The following WDR70 variants were observed in gnomAD, a reference collection of about 807,000 sequenced individuals.
WDR70 encodes the protein WD repeat-containing protein 70.
A neutral mutation model predicts 88.6 loss-of-function variants in WDR70; 53 were observed. The observed-to-expected ratio is 0.60, with a 90% CI of 0.48 to 0.75. WDR70 has a LOEUF of 0.75. Among genes scored for constraint, WDR70 ranks in the 30% least tolerant of loss-of-function variants. The probability of loss-of-function intolerance (pLI) is 0.00; values close to 1 mark genes in which losing one functional copy is unlikely to be tolerated. For missense variants in WDR70, 610 were observed against 823.2 expected (o/e 0.74, Z 3.17); for synonymous variants, 280 against 270.0 (o/e 1.04, Z -0.36).
Position 37,428,185 on chromosome 5 carries a change from T to G in WDR70, c.493-9737T>G, listed in dbSNP as rs142646681. On this transcript the variant is annotated intron_variant, in intron 5 of 17. Transcript: ENST00000265107. Reference sequence around the variant, plus strand: ...AACTAATTCTATCAGGCTTTTGTTTTGTTGTTGTTGTTTTTGTTTTTTCAT... The same window carrying G: ...AACTAATTCTATCAGGCTTTTGTTTGGTTGTTGTTGTTTTTGTTTTTTCAT... 2.8e-3 allele frequency among the ~76,000 whole-genome samples: 423 copies of G among 152,290 alleles called. 1 individual carries two copies. The highest frequency in any genetic ancestry group is 9.8e-3 in the African/African-American group (408 of 41,564).
At chr5:37,617,475 G>A (rs1304356156) in intron 10 of WDR70, among the ~76,000 whole-genome samples, 1 of 152,168 alleles carries the variant, frequency 6.6e-6, no homozygotes, top group Non-Finnish European at 1.5e-5. Flanking sequence ...TATTAAAATG[G>A]ATTATAATGT....
intron 10 of WDR70, among the ~76,000 whole-genome samples, chr5:37,651,823 A>G (rs1029141792): frequency 1.3e-5 from 2 of 151,824 alleles, no homozygotes; most frequent in African/African-American, 4.8e-5. Flanking sequence ...TTTTCTTGTA[A>G]ATTTGTTTAA....
At chr5:37,520,936 A>G (rs955346295) in intron 9 of WDR70, among the ~76,000 whole-genome samples, 3 of 152,224 alleles carry the variant, frequency 2.0e-5, no homozygotes, top group Non-Finnish European at 2.9e-5. Flanking sequence ...AAAATGAATA[A>G]TTGATACTAA....
In WDR70 at chr5:37,383,299, G is replaced by A. The variant is rs561197458; in HGVS notation, c.175+1614G>A. Among the ~76,000 whole-genome samples the A allele has an allele frequency of 1.9e-3, 293 of 152,082 alleles. 1 individual carries two copies. Among genetic ancestry groups the A allele is most frequent in the African/African-American group, 6.6e-3 (275 of 41,504 alleles). On this transcript the variant is annotated intron_variant, in intron 3 of 17. Coordinates refer to ENST00000265107, the MANE Select transcript of WDR70 (RefSeq NM_018034.4). ...ATTTGAGACGGAGGCCTGCTCTGTC[G>A]CCCAGGCTGGAGTGCAATGGCGTGA...
rs769455679 is a variant in WDR70, at chr5:37,697,639, T to C, written c.1093-16T>C. 2.5e-6 allele frequency: 4 copies of C among 1,607,944 alleles called. No homozygotes were observed. Among genetic ancestry groups the C allele is most frequent in the Non-Finnish European group, 3.4e-6 (4 of 1,174,542 alleles). ...TTGAGGTGAGATATTAACACTTTGT[T>C]TGTCTTTGTGAATAGGTTCATCCTA... is the stretch of plus-strand genomic sequence containing the variant. On this transcript the variant is annotated splice_polypyrimidine_tract_variant and intron_variant, in intron 10 of 17. Transcript: ENST00000265107.
At chr5:37,493,133 A>G (rs567030630) in intron 8 of WDR70, among the ~76,000 whole-genome samples, 1 of 152,276 alleles carries the variant, frequency 6.6e-6, no homozygotes, top group East Asian at 1.9e-4. Context: ...TTTTTACAGA[A>G]CTGCATTAAT....
At chr5:37,684,626 A>G (rs1223452587) in intron 10 of WDR70, among the ~76,000 whole-genome samples, 2 of 151,914 alleles carry the variant, frequency 1.3e-5, no homozygotes, top group Non-Finnish European at 2.9e-5. Flanking sequence ...CTTGTATCAC[A>G]ACCTGATTTT....
Position 37,443,446 on chromosome 5 carries a change from T to A in WDR70, c.686+74T>A. 3 of 1,526,696 alleles carry A rather than the reference T, an allele frequency of 2.0e-6. No homozygotes were observed. The South Asian group carries it at 3.6e-5, about 18-fold the overall frequency. 94.6% of individuals were successfully genotyped at this position (1,526,696 alleles called of 1,614,324 possible). ...CATTGGAAGACAGTGCTGTTGGCTT[T>A]GGAATCCCATCTACAATGATTTGTA... On this transcript the variant is annotated intron_variant, in intron 7 of 17. Transcript: ENST00000265107.
intron 13 of WDR70, among the ~76,000 whole-genome samples, chr5:37,715,337 C>CAA (rs138965709): frequency 5.0e-4 from 57 of 112,962 alleles, no homozygotes; most frequent in East Asian, 1.5e-3. Context: ...AGATTTCTGG[C>CAA]AAAAAAAAAA....
chr5:37,621,337 A>G (rs773350121), intron 10 of WDR70, among the ~76,000 whole-genome samples: 3 of 152,176 alleles, frequency 2.0e-5, no homozygotes, highest in Non-Finnish European at 2.9e-5. Context: ...AGACAACGTA[A>G]CATTAATCAT....
intron 9 of WDR70, among the ~76,000 whole-genome samples, chr5:37,551,196 T>C (rs1161449294): frequency 6.6e-6 from 1 of 151,746 alleles, no homozygotes; most frequent in African/African-American, 2.4e-5. Context: ...TCCCAGCTGC[T>C]CAGGAGGCCG....
intron 9 of WDR70, among the ~76,000 whole-genome samples, chr5:37,572,648 C>T (rs1742942009): frequency 6.6e-6 from 1 of 152,050 alleles, no homozygotes; most frequent in Non-Finnish European, 1.5e-5. Context: ...GATTCTACCT[C>T]TAAAAATACA....
chr5:37,407,808 TGTGAGCCACAGGCAG>T (rs1475687870), intron 5 of WDR70, among the ~76,000 whole-genome samples: 1 of 151,726 alleles, frequency 6.6e-6, no homozygotes, highest in Non-Finnish European at 1.5e-5. Context: ...AGATTAAAGG[TGTGAGCCACAGGCAG>T]GTGAGCCACT....
At chr5:37,559,005 C>T (rs368976704) in intron 9 of WDR70, among the ~76,000 whole-genome samples, 4 of 151,712 alleles carry the variant, frequency 2.6e-5, no homozygotes, top group African/African-American at 9.7e-5. Flanking sequence ...GTGCTCTTGG[C>T]TCACTGTAAC....
chr5:37,565,569 G>C (rs1742713911), intron 9 of WDR70, among the ~76,000 whole-genome samples: 1 of 152,038 alleles, frequency 6.6e-6, no homozygotes. Flanking sequence ...ACCTTGAGTA[G>C]ATTTATTTTA....
chr5:37,392,258 AC>A, intron 4 of WDR70, 138 bp downstream of exon 4: 3 of 985,664 alleles, frequency 3.0e-6, no homozygotes, highest in Middle Eastern at 3.5e-4. Flanking sequence ...ATCTTGGCTG[AC>A]TGTAACCTCC....
chr5:37,659,345 G>A (rs192548145), intron 10 of WDR70, among the ~76,000 whole-genome samples: 1 of 152,028 alleles, frequency 6.6e-6, no homozygotes, highest in African/African-American at 2.4e-5. Context: ...TTAATTCCAT[G>A]TTTTTGATAT....
intron 9 of WDR70, among the ~76,000 whole-genome samples, chr5:37,585,371 C>A (rs768687136): frequency 7.9e-5 from 12 of 152,124 alleles, no homozygotes; most frequent in Non-Finnish European, 1.5e-4. Context: ...TGGAATAGAG[C>A]TGAGTGACTT....
At chr5:37,463,982 T>G (rs1739087829) in intron 7 of WDR70, among the ~76,000 whole-genome samples, 1 of 152,204 alleles carries the variant, frequency 6.6e-6, no homozygotes, top group Admixed American at 6.5e-5. Context: ...AAAAACAATG[T>G]GAATATTAGT....
Sources: allele counts gnomAD v4.1 joint callset (sites outside exome capture counted in the v4.1 genomes callset), GRCh38; gene constraint gnomAD v4.1.1; transcripts MANE v1.5; gene names NCBI Gene and HGNC (gene_info 2026-07-23, HGNC 2026-07-21).